Variants in DIAPH2 observed in about 807,000 individuals in gnomAD.
DIAPH2 encodes the protein diaphanous related formin 2, also known as protein diaphanous homolog 2.
A neutral mutation model predicts 92.7 loss-of-function variants in DIAPH2; 35 were observed. The observed-to-expected ratio is 0.38, with a 90% CI of 0.29 to 0.50. The LOEUF is 0.50. DIAPH2 is among the 20% of genes least tolerant of loss of function. DIAPH2 has a pLI of 0.94. For missense variants in DIAPH2, 701 were observed against 819.5 expected (o/e 0.86, Z 1.77); for synonymous variants, 301 against 280.4 (o/e 1.07, Z -0.73).
intron 11 of DIAPH2, among the ~76,000 whole-genome samples, chrX:96,938,165 A>C (rs2065670512): frequency 1.8e-5 from 2 of 110,969 alleles, no homozygotes; most frequent in African/African-American, 6.6e-5. Context: ...TTATTTATGT[A>C]CACTTCTGTG....
In DIAPH2 at chrX:96,987,108, C is replaced by T. The variant is rs1036141659; in HGVS notation, c.2050+21901C>T. On this transcript the variant is annotated intron_variant, in intron 17 of 26. Transcript: ENST00000324765. Reference sequence around the variant, plus strand: ...CTATTTCTTTCAGAAATACACACCTCCCTTCTCTCACCAGACCCAGACACC... The same window carrying T: ...CTATTTCTTTCAGAAATACACACCTTCCTTCTCTCACCAGACCCAGACACC... Among the ~76,000 whole-genome samples, 3 of 111,194 alleles carry T rather than the reference C, an allele frequency of 2.7e-5. No homozygotes were observed. In the Admixed American group the frequency reaches 2.9e-4, roughly 11 times the overall value.
intron 5 of DIAPH2, 37 bp from the exon 6 acceptor site, chrX:96,912,291 A>T (rs912043096): frequency 9.7e-6 from 10 of 1,031,985 alleles, no homozygotes; most frequent in Non-Finnish European, 1.3e-5. Flanking sequence ...AAAATTACTA[A>T]CTTACTTATA....
chrX:97,054,946 T>A (rs2066546055), intron 17 of DIAPH2, among the ~76,000 whole-genome samples: 1 of 111,692 alleles, frequency 9.0e-6, no homozygotes, highest in Non-Finnish European at 1.9e-5. Flanking sequence ...AATACATTGT[T>A]ATAGCTGTTC....
At chrX:97,013,182 C>A (rs1458946850) in intron 17 of DIAPH2, among the ~76,000 whole-genome samples, 2 of 111,955 alleles carry the variant, frequency 1.8e-5, no homozygotes, top group African/African-American at 3.2e-5. Flanking sequence ...TGAGGTATGG[C>A]GTGTTCACTG....
chrX:96,768,650 T>G (rs2064318931), intron 4 of DIAPH2, among the ~76,000 whole-genome samples: 1 of 111,173 alleles, frequency 9.0e-6, no homozygotes, highest in South Asian at 3.8e-4. Context: ...GAGACCTGAA[T>G]GAAAATGGGA....
chrX:97,593,879 G>C (rs192117609), intron 26 of DIAPH2, among the ~76,000 whole-genome samples: 48 of 111,553 alleles, frequency 4.3e-4, no homozygotes, highest in African/African-American at 1.4e-3. Context: ...TTGAATAAAT[G>C]CAAAAAGAAT....
intron 22 of DIAPH2, among the ~76,000 whole-genome samples, chrX:97,168,873 T>A (rs1188216127): frequency 1.8e-5 from 2 of 112,229 alleles, no homozygotes; most frequent in Admixed American, 9.5e-5. Context: ...TGCTTTCATG[T>A]CTTTTTATAA....
chrX:96,871,481 A>AAG (rs1228290270), intron 4 of DIAPH2, among the ~76,000 whole-genome samples: 1 of 107,299 alleles, frequency 9.3e-6, no homozygotes, highest in African/African-American at 3.4e-5. Context: ...AAAAAAAAAA[A>AAG]AAAAAAAAAA....
chrX:96,816,692 C>A (rs2064738280), intron 4 of DIAPH2, among the ~76,000 whole-genome samples: 1 of 111,858 alleles, frequency 8.9e-6, no homozygotes, highest in African/African-American at 3.3e-5. Flanking sequence ...TAAAATTGAG[C>A]TACCATATGA....
intron 4 of DIAPH2, among the ~76,000 whole-genome samples, chrX:96,867,886 TTAAC>T (rs1264943632): frequency 2.7e-5 from 3 of 111,978 alleles, no homozygotes; most frequent in Admixed American, 9.5e-5. Context: ...ATTATACTGT[TTAAC>T]TACGTGGCAA....
At chrX:97,586,130 C>T (rs5967327) in intron 26 of DIAPH2, among the ~76,000 whole-genome samples, 99 of 111,753 alleles carry the variant, frequency 8.9e-4, no homozygotes, top group Admixed American at 2.2e-3. Flanking sequence ...AAATCTCTCT[C>T]ACTCTTTTCA....
chrX:97,186,000 T>C (rs1199483021), intron 22 of DIAPH2, among the ~76,000 whole-genome samples: 1 of 111,213 alleles, frequency 9.0e-6, no homozygotes, highest in African/African-American at 3.3e-5. Context: ...CTCATTCCTT[T>C]TTTTCTTTTA....
intron 26 of DIAPH2, among the ~76,000 whole-genome samples, chrX:97,515,399 C>G (rs963678135): frequency 8.9e-6 from 1 of 112,284 alleles, no homozygotes; most frequent in Non-Finnish European, 1.9e-5. Flanking sequence ...CACTGTCCTG[C>G]GCCCACTGTC....
rs1332024432 is a variant in DIAPH2, at chrX:96,751,647, G to GT, written c.343-6503dup. ...TATAAATGGTCAACTAGACTTCAGTGTTTTGTTTTTTTTTTTTTTTTTTTG... is the reference window on the plus strand; with the variant it reads ...TATAAATGGTCAACTAGACTTCAGTGTTTTTGTTTTTTTTTTTTTTTTTTTG... On this transcript the variant is annotated intron_variant, in intron 3 of 26. Coordinates refer to ENST00000324765, the MANE Select transcript of DIAPH2 (RefSeq NM_006729.5). Among the ~76,000 whole-genome samples the GT allele has an allele frequency of 1.4e-3, 123 of 84,967 alleles. 7 individuals carry two copies. Among genetic ancestry groups the GT allele is most frequent in the South Asian group, 1.9e-3 (3 of 1,601 alleles). The allele number at this position is 84,967 out of a possible 115,157, so 73.8% of individuals were successfully genotyped here. A position where few individuals can be genotyped will look rare whatever the true frequency, so the allele number is the denominator to read the frequency against.
rs925214645 is a variant in DIAPH2 at position 97,307,463 on chromosome X, A to T, written c.2845-40653A>T. Among the ~76,000 whole-genome samples, 3 of 112,137 alleles carry T rather than the reference A, an allele frequency of 2.7e-5. No homozygotes were observed. In the Admixed American group the frequency reaches 2.9e-4, roughly 11 times the overall value. On this transcript the variant is annotated intron_variant, in intron 23 of 26. Coordinates refer to ENST00000324765, the MANE Select transcript of DIAPH2 (RefSeq NM_006729.5). ...TACAGTTAAGTGTGATTTATAGACA[A>T]TAGATTTTGCCAGAGGAGATTTTGA... is the stretch of plus-strand genomic sequence containing the variant.
At chrX:97,204,288 C>T (rs751965059) in intron 22 of DIAPH2, among the ~76,000 whole-genome samples, 42 of 111,855 alleles carry the variant, frequency 3.8e-4, no homozygotes, top group Admixed American at 8.5e-4. Flanking sequence ...TCTCTCACCA[C>T]TCCTATTCGA....
chrX:96,871,882 A>G (rs946763748), intron 4 of DIAPH2, among the ~76,000 whole-genome samples: 5 of 112,056 alleles, frequency 4.5e-5, no homozygotes, highest in Non-Finnish European at 9.4e-5. Context: ...TGTATTATCC[A>G]TACTATGGGA....
At chrX:97,080,333 T>A (rs2066733391) in intron 19 of DIAPH2, among the ~76,000 whole-genome samples, 1 of 108,131 alleles carries the variant, frequency 9.2e-6, no homozygotes, top group Non-Finnish European at 1.9e-5. Context: ...AAGACCTTAA[T>A]TTTCCTTAAT....
intron 25 of DIAPH2, among the ~76,000 whole-genome samples, chrX:97,416,235 A>G (rs2069944839): frequency 8.9e-6 from 1 of 112,117 alleles, no homozygotes; most frequent in Admixed American, 9.5e-5. Context: ...GAGTTATGAT[A>G]ATCCATATCA....
Sources: gnomAD v4.1 joint callset for allele counts (sites outside exome capture counted in the v4.1 genomes callset) on GRCh38, gnomAD v4.1.1 for gene constraint, MANE v1.5 for transcripts, NCBI Gene and HGNC (gene_info 2026-07-23, HGNC 2026-07-21) for gene names.